The following CSMD2 variants were observed in gnomAD, a reference collection of about 807,000 sequenced individuals.
CSMD2 encodes CUB and sushi domain-containing protein 2.
A neutral mutation model predicts 398.5 loss-of-function variants in CSMD2; 130 were observed. The ratio of observed to expected loss-of-function variants is 0.33; its 90% CI spans 0.28 to 0.38. CSMD2 has a LOEUF of 0.38. Among genes scored for constraint, CSMD2 ranks in the 10% least tolerant of loss-of-function variants. The pLI is 1.00. For synonymous variants in CSMD2, 1,828 were observed against 1,908.5 expected, an observed-to-expected ratio of 0.96 and a Z score of 1.10; for missense variants, 3,829 against 4,764.9, an observed-to-expected ratio of 0.80 and a Z score of 5.78.
At chr1:34,057,603 G>T (rs140516757) in intron 2 of CSMD2, among the ~76,000 whole-genome samples, 1 of 152,250 alleles carries the variant, frequency 6.6e-6, no homozygotes, top group East Asian at 1.9e-4. Context: ...GCCAGACTCA[G>T]TCCTCCAGCC....
intron 5 of CSMD2, among the ~76,000 whole-genome samples, chr1:33,898,802 G>A (rs1263639017): frequency 2.6e-5 from 4 of 152,200 alleles, no homozygotes; most frequent in Non-Finnish European, 4.4e-5. Context: ...GAAAGATGGA[G>A]GCCACGTCAG....
Position 33,636,660 on chromosome 1 carries a change from G to C in CSMD2, c.4775-106C>G. ...GAGAACCCGACTTTAATTAGCCACA[G>C]AGCACACGGGGATGCGTGACTGTGG... On this transcript the variant is annotated intron_variant, in intron 29 of 70. Transcript: ENST00000373381. The surrounding 1 kb of genome is among the most constrained non-coding windows in gnomAD (Gnocchi z 4.8). 2 of 843,968 alleles carry C rather than the reference G, an allele frequency of 2.4e-6. No individual in the cohort carries two copies. The highest frequency in any genetic ancestry group is 3.8e-6 in the Non-Finnish European group (2 of 527,394). The allele number at this position is 843,968 out of a possible 1,614,324, so 52.3% of individuals were successfully genotyped here.
chr1:33,617,793 AAG>A (rs1045646742), intron 37 of CSMD2, among the ~76,000 whole-genome samples, 176 bp from the exon 38 acceptor site: 6 of 152,072 alleles, frequency 3.9e-5, no homozygotes, highest in Admixed American at 6.5e-5. Context: ...CACAGAGAAA[AAG>A]AGTATATTTA....
At chr1:33,692,790 AG>A in intron 25 of CSMD2, 139 bp downstream of exon 25, 7 of 1,055,544 alleles carry the variant, frequency 6.6e-6, no homozygotes, top group South Asian at 6.0e-5. Context: ...TAAGGCATCC[AG>A]TATAGCAACC....
At chr1:33,601,945 T>C (rs926958361) in intron 43 of CSMD2, among the ~76,000 whole-genome samples, 1 of 152,218 alleles carries the variant, frequency 6.6e-6, no homozygotes, top group Non-Finnish European at 1.5e-5. Context: ...TGCTGGAAAG[T>C]GCTGGCTCAG....
chr1:33,658,932 C>T (rs1454345868), intron 26 of CSMD2, among the ~76,000 whole-genome samples: 2 of 152,120 alleles, frequency 1.3e-5, no homozygotes, highest in African/African-American at 4.8e-5. Flanking sequence ...TGCGAGTTGG[C>T]CTGCCTAAAT....
chr1:33,731,405 T>A (rs537422376), intron 15 of CSMD2, among the ~76,000 whole-genome samples: 45 of 152,294 alleles, frequency 3.0e-4, no homozygotes, highest in Non-Finnish European at 5.6e-4. Context: ...AAATATCATA[T>A]GATTCTGTTG....
rs1654019958 is a variant in CSMD2 at position 33,519,163 on chromosome 1, T to C, written c.*53+302A>G. Among the ~76,000 whole-genome samples, 1 of 152,170 alleles carries C rather than the reference T, an allele frequency of 6.6e-6. No individual in the cohort carries two copies. Among genetic ancestry groups the C allele is most frequent in the Non-Finnish European group, 1.5e-5 (1 of 68,018 alleles). ...GGAGCCAGTCAGCCTGGGATTGGAT[T>C]TCGACCCCACCCCTTCTGAGCTGTG... On this transcript the variant is annotated intron_variant, in intron 70 of 70. Coordinates refer to ENST00000373381, the MANE Select transcript of CSMD2 (RefSeq NM_001281956.2). This position sits in a 1 kb window ranked among gnomAD's most constrained non-coding sequence, Gnocchi z 5.6.
intron 13 of CSMD2, among the ~76,000 whole-genome samples, chr1:33,756,621 GA>G (rs1426142167): frequency 6.6e-6 from 1 of 152,210 alleles, no homozygotes; most frequent in Non-Finnish European, 1.5e-5. Context: ...GTGAGGGACA[GA>G]AGGGAGGCCA....
At position 34,163,206 on chromosome 1, in the gene CSMD2, G is replaced by A. The variant is rs941363527; in HGVS notation, c.187+1705C>T. ...ACCGGCCTCGCCTCAACGTACGTCC[G>A]GGAGGCCTGGCGGGAGGTAGCAGCG... On this transcript the variant is annotated intron_variant, in intron 1 of 70. Transcript: ENST00000373381. This position sits in a 1 kb window ranked among gnomAD's most constrained non-coding sequence, Gnocchi z 5.4. 6.6e-6 allele frequency among the ~76,000 whole-genome samples: 1 copy of A among 152,244 alleles called. No homozygotes were observed. Among genetic ancestry groups the A allele is most frequent in the Non-Finnish European group, 1.5e-5 (1 of 68,048 alleles).
intron 9 of CSMD2, among the ~76,000 whole-genome samples, chr1:33,813,486 A>C (rs1364959409): frequency 6.6e-6 from 1 of 152,144 alleles, no homozygotes; most frequent in Non-Finnish European, 1.5e-5. Flanking sequence ...TAAATGAATG[A>C]ACATATCATT....
At chr1:33,961,545 A>G (rs771205336) in intron 3 of CSMD2, among the ~76,000 whole-genome samples, 40 of 152,142 alleles carry the variant, frequency 2.6e-4, no homozygotes, top group African/African-American at 8.4e-4. Context: ...TGAGAACTAC[A>G]CTGTACCTCT....
chr1:33,759,788 C>A (rs1338428119), intron 13 of CSMD2, among the ~76,000 whole-genome samples: 1 of 152,142 alleles, frequency 6.6e-6, no homozygotes, highest in Non-Finnish European at 1.5e-5. Context: ...TTAGGGTACC[C>A]ACGTAACATA....
At chr1:34,111,103 AG>A (rs1300130136) in intron 1 of CSMD2, among the ~76,000 whole-genome samples, 1 of 152,182 alleles carries the variant, frequency 6.6e-6, no homozygotes, top group Non-Finnish European at 1.5e-5. Context: ...CACAAGAGAA[AG>A]GCCTTTGTTT....
At chr1:33,781,434 C>A (rs1047318922) in intron 12 of CSMD2, among the ~76,000 whole-genome samples, 2 of 152,224 alleles carry the variant, frequency 1.3e-5, no homozygotes, top group Non-Finnish European at 2.9e-5. Flanking sequence ...TCTTGCTGTC[C>A]TTGTAGCCTC....
Position 34,089,138 on chromosome 1 carries a change from C to T in CSMD2, c.243G>A (p.Gly81=), listed in dbSNP as rs761241667. Residue 81 remains glycine (G), a synonymous_variant, in exon 2 of 71, where the codon GGG becomes GGA. Coordinates refer to ENST00000373381, the MANE Select transcript of CSMD2 (RefSeq NM_001281956.2). ...CGTAATTGGGGTAGCCATATGGGAA[C>T]CCTGGGCTCTCAACTGTCCCATTGG... ...HGPNGTVESP[G]FPYGYPNYAN... is the part of the protein sequence containing the mutation. 1 of 1,614,052 alleles carries T rather than the reference C, an allele frequency of 6.2e-7. No homozygotes were observed. The highest frequency in any genetic ancestry group is 8.5e-7 in the Non-Finnish European group (1 of 1,180,042).
chr1:33,820,340 AG>A (rs1166476375), intron 8 of CSMD2, 128 bp downstream of exon 8: 2 of 708,932 alleles, frequency 2.8e-6, no homozygotes, highest in African/African-American at 3.5e-5. Context: ...GCTCTTCTCC[AG>A]GAAGTGTCTG....
At chr1:34,083,221 G>C (rs1266226611) in intron 2 of CSMD2, among the ~76,000 whole-genome samples, 1 of 152,164 alleles carries the variant, frequency 6.6e-6, no homozygotes, top group Non-Finnish European at 1.5e-5. Context: ...ACAAAAAAGT[G>C]CAGCATGGAA....
chr1:33,540,703 A>C lies in CSMD2; in HGVS notation c.9458-5T>G. 1 of 1,614,034 alleles carries C rather than the reference A, an allele frequency of 6.2e-7. No individual in the cohort carries two copies. Among genetic ancestry groups the C allele is most frequent in the Non-Finnish European group, 8.5e-7 (1 of 1,179,956 alleles). On this transcript the variant is annotated splice_region_variant and splice_polypyrimidine_tract_variant and intron_variant, in intron 59 of 70. Transcript: ENST00000373381. ...GAGGTGGCTTGCACATGAGAGCTGG[A>C]GGGAGACCAAAGCAGGCTGAGTTCT... is the stretch of plus-strand genomic sequence containing the variant.
Sources: allele counts gnomAD v4.1 joint callset (sites outside exome capture counted in the v4.1 genomes callset), GRCh38; gene constraint gnomAD v4.1.1; non-coding constraint Gnocchi (gnomAD v3.1); transcripts MANE v1.5; gene names NCBI Gene and HGNC (gene_info 2026-07-23, HGNC 2026-07-21).